UNC45A: variants seen among roughly 807,000 people sequenced by gnomAD.
The protein encoded by UNC45A is protein unc-45 homolog A.
UNC45A carries 78 observed loss-of-function variants against 103.2 expected under a neutral mutation model. The observed-to-expected ratio is 0.76, with a 90% CI of 0.63 to 0.91. The LOEUF (loss-of-function observed/expected upper bound fraction) is 0.91. Among genes scored for constraint, UNC45A ranks in the 40% least tolerant of loss-of-function variants. UNC45A has a pLI of 0.00. For synonymous variants in UNC45A, 495 were observed against 504.6 expected (o/e 0.98, Z 0.25); for missense variants, 1,193 against 1,224.8 (o/e 0.97, Z 0.39).
Position 90,939,783 on chromosome 15 carries a change from T to G in UNC45A, c.479T>G (p.Leu160Arg). The G allele has an allele frequency of 6.2e-7, 1 of 1,614,210 alleles. No individual in the cohort carries two copies. Among genetic ancestry groups the G allele is most frequent in the Non-Finnish European group, 8.5e-7 (1 of 1,180,044 alleles). ...DAKVEQMFQI[L>R]LDPEEKGTEK... ...AAAGTGGAACAGATGTTTCAGATACTGTTGGACCCAGAAGAGAAGGGCACT... is the reference window on the plus strand; with the variant it reads ...AAAGTGGAACAGATGTTTCAGATACGGTTGGACCCAGAAGAGAAGGGCACT... Residue 160 changes from leucine to arginine, a missense_variant, in exon 5 of 20, where the codon CTG becomes CGG. By Grantham distance (102) the Leu-to-Arg change is moderately radical. Transcript: ENST00000418476.
At chr15:90,931,185 G>C, upstream of UNC45A, 7 of 1,445,944 alleles carry the variant, frequency 4.8e-6, no homozygotes, top group Non-Finnish European at 6.6e-6. Context: ...AGGATGGAGG[G>C]AGCTCAGGAG....
At chr15:90,939,459 G>A (rs1441846321) in intron 4 of UNC45A, among the ~76,000 whole-genome samples, 1 of 152,204 alleles carries the variant, frequency 6.6e-6, no homozygotes, top group East Asian at 1.9e-4. Flanking sequence ...CCTCGTAGCT[G>A]ACAGGATACC....
Position 90,953,896 on chromosome 15 carries a change from G to C in UNC45A, c.*180G>C, listed in dbSNP as rs529748856. ...CGGCCACGTTCAGTCACACAGCCCT[G>C]CTTGGCCAGCACTGCCTGCAGCCTC... On this transcript the variant is annotated 3_prime_UTR_variant, in exon 20 of 20. Coordinates refer to ENST00000418476, the MANE Select transcript of UNC45A (RefSeq NM_018671.5). 39 of 867,118 alleles carry C rather than the reference G, an allele frequency of 4.5e-5. No individual in the cohort carries two copies. In the South Asian group the frequency reaches 6.8e-4, roughly 15 times the overall value. 53.7% of individuals were successfully genotyped at this position (867,118 alleles called of 1,614,324 possible).
At chr15:90,947,936 C>T in intron 11 of UNC45A, 46 bp downstream of exon 11, 1 of 1,566,528 alleles carries the variant, frequency 6.4e-7, no homozygotes. Context: ...TGGGGTAGAT[C>T]TCAAGACACA....
chr15:90,944,480 A>G (rs895782693), intron 8 of UNC45A, among the ~76,000 whole-genome samples: 1 of 151,798 alleles, frequency 6.6e-6, no homozygotes, highest in African/African-American at 2.4e-5. Flanking sequence ...TCGTGTTCAC[A>G]GTGGTCCCAC....
At chr15:90,934,485 C>A (rs150830066), upstream of UNC45A, 2 of 398,924 alleles carry the variant, frequency 5.0e-6, no homozygotes, top group South Asian at 2.5e-4. Context: ...CTGCTGCACC[C>A]GGGCTGAATT....
intron 5 of UNC45A, 115 bp from the exon 6 acceptor site, chr15:90,940,191 T>C: frequency 8.4e-7 from 1 of 1,197,386 alleles, no homozygotes; most frequent in South Asian, 1.5e-5. Context: ...TTGGCCGTGG[T>C]CACTCAACTG....
intron 18 of UNC45A, 27 bp downstream of exon 18, chr15:90,953,073 C>CAAGG (rs1471646590): frequency 5.0e-6 from 8 of 1,613,432 alleles, no homozygotes; most frequent in Non-Finnish European, 6.8e-6. Flanking sequence ...GTGCTCATGA[C>CAAGG]AGGCGGGGAT....
At chr15:90,937,287 A>G (rs1050708781) in intron 4 of UNC45A, among the ~76,000 whole-genome samples, 1 of 152,192 alleles carries the variant, frequency 6.6e-6, no homozygotes, top group East Asian at 1.9e-4. Flanking sequence ...TTGCAGTTAC[A>G]GTGAGCTATG....
chr15:90,938,092 G>C (rs898448714), intron 4 of UNC45A, among the ~76,000 whole-genome samples: 8 of 152,092 alleles, frequency 5.3e-5, no homozygotes, highest in African/African-American at 1.9e-4. Flanking sequence ...CCATGGCACT[G>C]GGCCAAATAT....
chr15:90,931,744 C>T (rs762658478), upstream of UNC45A: 121 of 1,614,172 alleles, frequency 7.5e-5, 1 homozygote, highest in South Asian at 1.3e-3. Flanking sequence ...GATTGTACAG[C>T]TTGTCTGCCA....
chr15:90,948,917 C>T, intron 13 of UNC45A, 123 bp downstream of exon 13: 1 of 1,232,148 alleles, frequency 8.1e-7, no homozygotes, highest in Non-Finnish European at 1.1e-6. Flanking sequence ...CTCACTGTCT[C>T]CCAGGCTGGA....
intron 4 of UNC45A, among the ~76,000 whole-genome samples, chr15:90,938,752 AC>A: frequency 6.6e-6 from 1 of 151,946 alleles, no homozygotes; most frequent in East Asian, 1.9e-4. Flanking sequence ...GCTGACTGCA[AC>A]CTCCACCTCC....
At chr15:90,931,940 G>A (rs2035809838), upstream of UNC45A, 4 of 1,613,638 alleles carry the variant, frequency 2.5e-6, no homozygotes, top group African/African-American at 1.3e-5. Context: ...ATGGAGCAGG[G>A]CCGCCTGGGG....
At chr15:90,939,610 C>A in intron 4 of UNC45A, 121 bp from the exon 5 acceptor site, 1 of 1,018,498 alleles carries the variant, frequency 9.8e-7, no homozygotes, top group Admixed American at 2.1e-5. Context: ...TAGGTGCTAG[C>A]CCTGAGCCTG....
chr15:90,939,189 C>T (rs2036165465), intron 4 of UNC45A, among the ~76,000 whole-genome samples: 1 of 152,130 alleles, frequency 6.6e-6, no homozygotes, highest in African/African-American at 2.4e-5. Flanking sequence ...CCTTGTTGGC[C>T]AGGCTAGTCT....
Position 90,940,426 on chromosome 15 carries a change from G to A in UNC45A, c.640G>A (p.Ala214Thr). The part of the protein sequence containing the change: ...LDMGETDLML[A>T]ALRTLVGICS... Reference sequence around the variant, plus strand: ...CATGGGAGAGACTGACCTCATGCTGGCGGCTCTGCGTACGCTGGTTGGCAT... The same window carrying A: ...CATGGGAGAGACTGACCTCATGCTGACGGCTCTGCGTACGCTGGTTGGCAT... The change falls in exon 6 of 20, where the codon GCG becomes ACG. Residue 214 changes from alanine to threonine, a missense_variant. Physicochemically the swap from Ala to Thr is moderately conservative, Grantham distance 58. Transcript: ENST00000418476. The A allele has an allele frequency of 1.2e-6, 2 of 1,614,112 alleles. No individual in the cohort carries two copies. Among genetic ancestry groups the A allele is most frequent in the Non-Finnish European group, 1.7e-6 (2 of 1,179,970 alleles).
intron 12 of UNC45A, 162 bp from the exon 13 acceptor site, chr15:90,948,492 G>A (rs1213910487): frequency 2.1e-5 from 28 of 1,331,290 alleles, no homozygotes; most frequent in Middle Eastern, 2.6e-4. Context: ...GGGAGGTCAA[G>A]TTTGTAAGCT....
intron 12 of UNC45A, 137 bp from the exon 13 acceptor site, chr15:90,948,517 C>A: frequency 7.1e-7 from 1 of 1,408,700 alleles, no homozygotes. Context: ...AAGTCTGGGG[C>A]CTGGGAGTTT....
Sources: allele counts gnomAD v4.1 joint callset (sites outside exome capture counted in the v4.1 genomes callset), GRCh38; gene constraint gnomAD v4.1.1; transcripts MANE v1.5; gene names NCBI Gene and HGNC (gene_info 2026-07-23, HGNC 2026-07-21).